Variants in TMEM183A observed in about 807,000 individuals in gnomAD.
The protein encoded by TMEM183A is transmembrane protein 183A, also known as chromosome 1 open reading frame 37.
A neutral mutation model predicts 46.7 loss-of-function variants in TMEM183A; 21 were observed. The ratio of observed to expected loss-of-function variants is 0.45; its 90% CI spans 0.32 to 0.65. The LOEUF (loss-of-function observed/expected upper bound fraction) is 0.65, where lower values mean the gene tolerates loss of function less well. Ranked by LOEUF, TMEM183A falls within the 30% of genes least tolerant of loss-of-function variation. TMEM183A has a pLI of 0.04. For synonymous variants in TMEM183A, 165 were observed against 180.2 expected (o/e 0.92, Z 0.68); for missense variants, 331 against 481.9 (o/e 0.69, Z 2.93).
At position 203,015,997 on chromosome 1, in the gene TMEM183A, C is replaced by T. The variant is rs1558041463; in HGVS notation, c.565C>T (p.Arg189Ter). 3.1e-6 allele frequency: 5 copies of T among 1,614,012 alleles called. No individual in the cohort carries two copies. Among genetic ancestry groups the T allele is most frequent in the Non-Finnish European group, 3.4e-6 (4 of 1,179,878 alleles). The stretch of plus-strand genomic sequence containing the variant: ...GGATGCTTCCCTGCCTTTGCGTCTG[C>T]GACCAGAGTCAATGGAGAAGCTGCG... ...TLDASLPLRL[R>*]PESMEKLRCL... is the part of the protein sequence containing the mutation. Residue 189 changes from arginine to a stop codon, truncating the protein, a stop_gained, in exon 5 of 8, where the codon CGA becomes TGA. Coordinates refer to ENST00000367242, the MANE Select transcript of TMEM183A (RefSeq NM_138391.6). LOFTEE classifies it high-confidence loss of function.
intron 3 of TMEM183A, among the ~76,000 whole-genome samples, chr1:203,012,235 T>TCTCACACACACACACACACACA (rs370305350): frequency 1.2e-4 from 10 of 80,836 alleles, no homozygotes; most frequent in South Asian, 4.9e-4. Context: ...CCCCACTCCA[T>TCTCACACACACACACACACACA]CACACACACA....
chr1:203,021,309 G>A (rs1452226963), intron 7 of TMEM183A, among the ~76,000 whole-genome samples: 1 of 152,092 alleles, frequency 6.6e-6, no homozygotes, highest in Non-Finnish European at 1.5e-5. Flanking sequence ...GAGATTATAA[G>A]TGTGAGCCAC....
At chr1:203,008,357 G>C (rs957047182) in intron 2 of TMEM183A, among the ~76,000 whole-genome samples, 3 of 151,656 alleles carry the variant, frequency 2.0e-5, no homozygotes, top group Non-Finnish European at 4.4e-5. Context: ...CTTTTATCCT[G>C]CAGGGTTTAT....
At chr1:203,010,132 C>G (rs943377474) in intron 3 of TMEM183A, among the ~76,000 whole-genome samples, 2 of 122,834 alleles carry the variant, frequency 1.6e-5, no homozygotes, top group African/African-American at 6.3e-5. Context: ...GAGCAAGACT[C>G]TGTCTCAAAA....
Position 203,013,669 on chromosome 1 carries a change from G to A in TMEM183A, c.368-1220G>A, listed in dbSNP as rs1656887841. ...TGGAACTACAGGCAGCTGCCACCAC[G>A]CCCGGCTAATTTTTTTGTATTTTTT... On this transcript the variant is annotated intron_variant, in intron 3 of 7. Coordinates refer to ENST00000367242, the MANE Select transcript of TMEM183A (RefSeq NM_138391.6). The surrounding 1 kb of genome is among the most constrained non-coding windows in gnomAD (Gnocchi z 4.0). Among the ~76,000 whole-genome samples the A allele has an allele frequency of 6.6e-6, 1 of 151,664 alleles. No homozygotes were observed. The highest frequency in any genetic ancestry group is 6.6e-5 in the Admixed American group (1 of 15,240).
chr1:203,015,007 T>C lies in TMEM183A; in HGVS notation c.486T>C (p.Thr162=), dbSNP rs1657028348. The stretch of plus-strand genomic sequence containing the variant: ...CCCTGATTTGTAAGAATGCCTGGAC[T>C]GTCACTTGCACTGCTGCCTTTTGGA... The part of the protein sequence containing the change: ...NFSLICKNAW[T]VTCTAAFWTR... Residue 162 remains threonine (T), a synonymous_variant, in exon 4 of 8, where the codon ACT becomes ACC. Coordinates refer to ENST00000367242, the MANE Select transcript of TMEM183A (RefSeq NM_138391.6). The C allele has an allele frequency of 6.2e-7, 1 of 1,613,692 alleles. No individual in the cohort carries two copies. The highest frequency in any genetic ancestry group is 1.3e-5 in the African/African-American group (1 of 75,040).
At chr1:203,014,743 C>T (rs930574131) in intron 3 of TMEM183A, 146 bp from the exon 4 acceptor site, 4 of 1,225,674 alleles carry the variant, frequency 3.3e-6, no homozygotes, top group Non-Finnish European at 4.4e-6. Flanking sequence ...CTAGGATGAG[C>T]AGGAAATGAT....
chr1:203,012,809 A>C (rs1051416553), intron 3 of TMEM183A, among the ~76,000 whole-genome samples: 1 of 152,198 alleles, frequency 6.6e-6, no homozygotes, highest in Non-Finnish European at 1.5e-5. Context: ...GGCTCACCGC[A>C]GCCTCGACAT....
intron 3 of TMEM183A, among the ~76,000 whole-genome samples, chr1:203,011,090 G>A (rs1176576721): frequency 1.3e-5 from 2 of 152,170 alleles, no homozygotes; most frequent in African/African-American, 4.8e-5. Flanking sequence ...AACATTCATG[G>A]ACAAGTTTTT....
At chr1:203,011,443 G>C (rs1228753138) in intron 3 of TMEM183A, among the ~76,000 whole-genome samples, 1 of 151,972 alleles carries the variant, frequency 6.6e-6, no homozygotes, top group Non-Finnish European at 1.5e-5. Flanking sequence ...TTTCACTCTT[G>C]TTGACCAGGC....
At chr1:203,018,318 A>C (rs1657356378) in intron 5 of TMEM183A, among the ~76,000 whole-genome samples, 163 bp from the exon 6 acceptor site, 1 of 152,202 alleles carries the variant, frequency 6.6e-6, no homozygotes, top group Non-Finnish European at 1.5e-5. Flanking sequence ...ACCAGTGTCA[A>C]CTTGGGGGTC....
intron 3 of TMEM183A, among the ~76,000 whole-genome samples, chr1:203,011,306 A>G (rs1656554164): frequency 6.6e-6 from 1 of 152,148 alleles, no homozygotes; most frequent in South Asian, 2.1e-4. Flanking sequence ...TTAAAATTAT[A>G]ATGGATGTGG....
intron 6 of TMEM183A, among the ~76,000 whole-genome samples, chr1:203,018,879 C>T (rs1002276183): frequency 4.6e-5 from 7 of 152,174 alleles, no homozygotes; most frequent in African/African-American, 7.2e-5. Context: ...TGTGAAGACC[C>T]TCTTATAAAG....
intron 3 of TMEM183A, among the ~76,000 whole-genome samples, chr1:203,010,734 G>C (rs1477810005): frequency 3.3e-5 from 5 of 152,172 alleles, no homozygotes; most frequent in Admixed American, 3.3e-4. Flanking sequence ...TTCCTTTAAA[G>C]TGTACAATTC....
At chr1:203,018,853 A>C (rs782786) in intron 6 of TMEM183A, among the ~76,000 whole-genome samples, 50,908 of 152,096 alleles carry the variant, frequency 0.33, 8,974 homozygotes, top group Middle Eastern at 0.45. Flanking sequence ...GGAATGCCAA[A>C]AGGGGCTGAG....
At chr1:203,010,678 C>A (rs185033157) in intron 3 of TMEM183A, among the ~76,000 whole-genome samples, 1 of 152,242 alleles carries the variant, frequency 6.6e-6, no homozygotes, top group African/African-American at 2.4e-5. Flanking sequence ...TGGACTTGTT[C>A]CACAGAATGG....
At chr1:203,010,331 C>T (rs1486213601) in intron 3 of TMEM183A, among the ~76,000 whole-genome samples, 2 of 152,112 alleles carry the variant, frequency 1.3e-5, no homozygotes, top group Non-Finnish European at 2.9e-5. Flanking sequence ...TCATATCCCT[C>T]TTTTTCAGGA....
intron 6 of TMEM183A, 128 bp downstream of exon 6, chr1:203,018,689 T>C: frequency 9.1e-7 from 1 of 1,102,242 alleles, no homozygotes; most frequent in Non-Finnish European, 1.3e-6. Flanking sequence ...AAGAACGAAC[T>C]TTATTTCTTA....
chr1:203,007,404 A>C lies in TMEM183A; in HGVS notation c.-62A>C. The C allele has an allele frequency of 7.5e-7, 1 of 1,330,790 alleles. No individual in the cohort carries two copies. Among genetic ancestry groups the C allele is most frequent in the East Asian group, 3.0e-5 (1 of 32,960 alleles). The allele number at this position is 1,330,790 out of a possible 1,614,324, so 82.4% of individuals were successfully genotyped here. On this transcript the variant is annotated 5_prime_UTR_variant, in exon 1 of 8. An upstream start codon of the reference 5' UTR is lost. Coordinates refer to ENST00000367242, the MANE Select transcript of TMEM183A (RefSeq NM_138391.6). ...GAGAGTTAGCGGCCTCCGGTGTGGG[A>C]TGGCCGCGGAGCCGGGCGGAGCTGG...
Sources: gnomAD v4.1 joint callset for allele counts (sites outside exome capture counted in the v4.1 genomes callset) on GRCh38, gnomAD v4.1.1 for gene constraint, Gnocchi (gnomAD v3.1) non-coding constraint, MANE v1.5 for transcripts, NCBI Gene and HGNC (gene_info 2026-07-23, HGNC 2026-07-21) for gene names.